Variants in RFX3 observed in about 807,000 individuals in gnomAD.
RFX3 encodes the protein transcription factor RFX3.
In RFX3, 14 loss-of-function variants were observed where a neutral mutation model predicts 98.6. The ratio of observed to expected loss-of-function variants is 0.14; its 90% CI spans 0.09 to 0.22. The LOEUF is 0.22. RFX3 is among the 10% of genes least tolerant of loss of function. The probability of loss-of-function intolerance (pLI) is 1.00; values close to 1 mark genes in which losing one functional copy is unlikely to be tolerated. For missense variants in RFX3, 639 were observed against 926.9 expected (o/e 0.69, Z 4.03); for synonymous variants, 383 against 328.4 (o/e 1.17, Z -1.80).
chr9:3,252,092 C>G (rs1481746563), intron 14 of RFX3, among the ~76,000 whole-genome samples: 1 of 151,392 alleles, frequency 6.6e-6, no homozygotes, highest in African/African-American at 2.4e-5. Flanking sequence ...AGGTGATCCG[C>G]CCACCTCGGC....
intron 1 of RFX3, among the ~76,000 whole-genome samples, chr9:3,398,782 C>A (rs757956971): frequency 7.2e-5 from 11 of 152,092 alleles, no homozygotes; most frequent in Non-Finnish European, 1.6e-4. Context: ...CACACTTTGA[C>A]ATCAACTGTT....
chr9:3,371,597 G>T (rs141207733), intron 2 of RFX3, among the ~76,000 whole-genome samples: 15 of 152,186 alleles, frequency 9.9e-5, no homozygotes, highest in Non-Finnish European at 1.9e-4. Context: ...TTCATTAATT[G>T]TATTATCCTG....
intron 2 of RFX3, among the ~76,000 whole-genome samples, chr9:3,390,834 T>A (rs1840240742): frequency 6.6e-6 from 1 of 152,174 alleles, no homozygotes; most frequent in Non-Finnish European, 1.5e-5. Context: ...TTTTCCTGTA[T>A]AAATTACCCA....
intron 1 of RFX3, among the ~76,000 whole-genome samples, chr9:3,467,557 G>C (rs1172628962): frequency 1.3e-5 from 2 of 151,970 alleles, no homozygotes; most frequent in East Asian, 3.9e-4. Context: ...AGGTCCTGAA[G>C]AATTCCATTC....
At chr9:3,237,120 G>C (rs1563778971) in intron 15 of RFX3, among the ~76,000 whole-genome samples, 2 of 152,190 alleles carry the variant, frequency 1.3e-5, no homozygotes, top group South Asian at 4.1e-4. Context: ...TACTATTTAA[G>C]ATTTAATTCA....
At chr9:3,435,502 G>C (rs892140001) in intron 1 of RFX3, among the ~76,000 whole-genome samples, 1 of 151,796 alleles carries the variant, frequency 6.6e-6, no homozygotes, top group Non-Finnish European at 1.5e-5. Flanking sequence ...TAATATTTCA[G>C]CTCTATTATA....
intron 1 of RFX3, among the ~76,000 whole-genome samples, chr9:3,466,881 A>C (rs188956729): frequency 5.6e-4 from 85 of 151,668 alleles, no homozygotes; most frequent in African/African-American, 1.9e-3. Context: ...ATTTACAAAT[A>C]CTTATCATTT....
At chr9:3,389,460 A>C (rs1420256744) in intron 2 of RFX3, among the ~76,000 whole-genome samples, 1 of 152,110 alleles carries the variant, frequency 6.6e-6, no homozygotes, top group African/African-American at 2.4e-5. Flanking sequence ...TATTTTTATC[A>C]ATTTTATTGA....
At chr9:3,399,759 G>A (rs1841291051) in intron 1 of RFX3, among the ~76,000 whole-genome samples, 1 of 151,860 alleles carries the variant, frequency 6.6e-6, no homozygotes, top group Admixed American at 6.6e-5. Context: ...AGACCAGCCT[G>A]AACAACATGG....
At chr9:3,485,697 T>C (rs1389560846) in intron 1 of RFX3, among the ~76,000 whole-genome samples, 1 of 152,228 alleles carries the variant, frequency 6.6e-6, no homozygotes, top group South Asian at 2.1e-4. Flanking sequence ...TGAAAAACAA[T>C]TTAAAATCTG....
rs1183473510 is a variant in RFX3 at position 3,223,057 on chromosome 9, T to G, written c.*1985A>C. ...ACTTTACAGACTGGCTCACCTCGTC[T>G]TTCCAACCCCCCACCCCCCTTACCC... On this transcript the variant is annotated 3_prime_UTR_variant, in exon 17 of 17. Transcript: ENST00000617270. 3.9e-5 allele frequency: 6 copies of G among 152,166 alleles called. No individual in the cohort carries two copies. The highest frequency in any genetic ancestry group is 1.4e-4 in the African/African-American group (6 of 41,434). The allele number at this position is 152,166 out of a possible 1,614,324, so 9.4% of individuals were successfully genotyped here.
chr9:3,409,081 A>C (rs973262989), intron 1 of RFX3, among the ~76,000 whole-genome samples: 2 of 152,220 alleles, frequency 1.3e-5, no homozygotes, highest in African/African-American at 4.8e-5. Flanking sequence ...GTGAAAGTAA[A>C]TACTGTTGTA....
At chr9:3,266,995 C>G (rs1823729868) in intron 11 of RFX3, among the ~76,000 whole-genome samples, 1 of 151,892 alleles carries the variant, frequency 6.6e-6, no homozygotes, top group Non-Finnish European at 1.5e-5. Context: ...CTGTTAAAAC[C>G]TGAAATAGGG....
intron 1 of RFX3, among the ~76,000 whole-genome samples, chr9:3,418,442 C>T (rs1490680041): frequency 2.6e-5 from 4 of 151,886 alleles, no homozygotes; most frequent in Non-Finnish European, 5.9e-5. Context: ...TACAGTGGCA[C>T]CATCTCAGAT....
intron 2 of RFX3, among the ~76,000 whole-genome samples, chr9:3,394,107 G>T (rs1840603962): frequency 6.6e-6 from 1 of 152,088 alleles, no homozygotes; most frequent in African/African-American, 2.4e-5. Flanking sequence ...CTTGAGGGAT[G>T]GGAAAGTTGT....
chr9:3,230,470 T>C (rs1457449752), intron 15 of RFX3, among the ~76,000 whole-genome samples: 1 of 152,212 alleles, frequency 6.6e-6, no homozygotes, highest in Admixed American at 6.5e-5. Flanking sequence ...GCAGTTGTTC[T>C]TGATCACATA....
intron 2 of RFX3, among the ~76,000 whole-genome samples, chr9:3,392,426 T>A (rs987717937): frequency 5.3e-5 from 8 of 150,276 alleles, no homozygotes; most frequent in Non-Finnish European, 8.9e-5. Context: ...AGGAATTTTT[T>A]AAAAATTCCT....
At chr9:3,444,634 G>T (rs910795161) in intron 1 of RFX3, among the ~76,000 whole-genome samples, 1 of 152,132 alleles carries the variant, frequency 6.6e-6, no homozygotes, top group Non-Finnish European at 1.5e-5. Flanking sequence ...TGGCAAAACT[G>T]GGAATACACT....
chr9:3,499,244 C>G (rs569786348), intron 1 of RFX3, among the ~76,000 whole-genome samples: 1 of 151,968 alleles, frequency 6.6e-6, no homozygotes, highest in Non-Finnish European at 1.5e-5. Flanking sequence ...AAAAGCAGCA[C>G]TAAGTACCTT....
Sources: gnomAD v4.1 joint callset for allele counts (sites outside exome capture counted in the v4.1 genomes callset) on GRCh38, gnomAD v4.1.1 for gene constraint, MANE v1.5 for transcripts, NCBI Gene and HGNC (gene_info 2026-07-23, HGNC 2026-07-21) for gene names.